The following CDX2 variants were observed in gnomAD, a reference collection of about 807,000 sequenced individuals.
CDX2 encodes the protein caudal type homeobox 2.
CDX2 carries 7 observed loss-of-function variants against 25.5 expected under a neutral mutation model. That is an observed-to-expected ratio of 0.27 (90% confidence interval 0.16 to 0.52). The LOEUF is 0.52. CDX2 is among the 20% of genes least tolerant of loss of function. The probability of loss-of-function intolerance (pLI) is 0.97; values close to 1 mark genes in which losing one functional copy is unlikely to be tolerated. For synonymous variants in CDX2, 222 were observed against 198.6 expected (o/e 1.12, Z -0.99); for missense variants, 375 against 431.4 (o/e 0.87, Z 1.16).
Position 27,964,839 on chromosome 13 carries a change from G to T in CDX2, c.687+31C>A, listed in dbSNP as rs887290682. 1.9e-6 allele frequency: 3 copies of T among 1,610,230 alleles called. No homozygotes were observed. The highest frequency in any genetic ancestry group is 2.2e-5 in the South Asian group (2 of 91,006). Reference sequence around the variant, plus strand: ...TCTCATGGTCCTCTGCCAGGCAGTGGCCCGCCCGGAGGGAGCTAGGCGGTC... The same window carrying T: ...TCTCATGGTCCTCTGCCAGGCAGTGTCCCGCCCGGAGGGAGCTAGGCGGTC... On this transcript the variant is annotated intron_variant, in intron 2 of 2. Transcript: ENST00000381020. The surrounding 1 kb of genome is among the most constrained non-coding windows in gnomAD (Gnocchi z 4.7).
At chr13:27,965,130 C>T in intron 1 of CDX2, 115 bp from the exon 2 acceptor site, 2 of 1,181,588 alleles carry the variant, frequency 1.7e-6, no homozygotes, top group Non-Finnish European at 2.4e-6. Context: ...CCTGGGGGGC[C>T]CGGGTTTGGC....
chr13:27,963,175 G>A lies in CDX2; in HGVS notation c.882C>T (p.Gly294=). The change falls in exon 3 of 3, where the codon GGC becomes GGT. Residue 294 remains glycine (G), a synonymous_variant. Transcript: ENST00000381020. ...PVSSLQASVP[G]SVPGVLGPTG... ...TTGGCCCCAGAACCCCAGGGACAGA[G>A]CCAGGCACTGAGGCTTGCAGGGAAG... 2 of 1,614,198 alleles carry A rather than the reference G, an allele frequency of 1.2e-6. No individual in the cohort carries two copies. The highest frequency in any genetic ancestry group is 1.7e-6 in the Non-Finnish European group (2 of 1,180,036).
chr13:27,967,247 T>A, intron 1 of CDX2: 1 of 501,080 alleles, frequency 2.0e-6, no homozygotes, highest in Non-Finnish European at 3.9e-6. Flanking sequence ...GCCAAAGCTC[T>A]GAGGCTCACC....
In CDX2 at chr13:27,961,651, C is replaced by G. The variant is rs887978651; in HGVS notation, c.*1464G>C. ...GAAATGCCCAGTGATTTACAGAAGA[C>G]TAAATTCATGGAAATGCTGTCTTGG... is the stretch of plus-strand genomic sequence containing the variant. On this transcript the variant is annotated 3_prime_UTR_variant, in exon 3 of 3. Coordinates refer to ENST00000381020, the MANE Select transcript of CDX2 (RefSeq NM_001265.6). Among the ~76,000 whole-genome samples the G allele has an allele frequency of 6.6e-6, 1 of 151,698 alleles. No homozygotes were observed. Among genetic ancestry groups the G allele is most frequent in the African/African-American group, 2.4e-5 (1 of 41,296 alleles).
chr13:27,965,282 C>T (rs563549677), intron 1 of CDX2, among the ~76,000 whole-genome samples: 65 of 152,156 alleles, frequency 4.3e-4, no homozygotes, highest in Non-Finnish European at 8.1e-4. Context: ...ACACAGAAGA[C>T]AGCAGAATGT....
At position 27,962,932 on chromosome 13, in the gene CDX2, A is replaced by C; in HGVS notation, c.*183T>G. ...GGAAAAAGTAAAAATCTGGGAGAGTATATTTCTTGAGGCCCCAAATCCCAC... is the reference window on the plus strand; with the variant it reads ...GGAAAAAGTAAAAATCTGGGAGAGTCTATTTCTTGAGGCCCCAAATCCCAC... On this transcript the variant is annotated 3_prime_UTR_variant, in exon 3 of 3. Coordinates refer to ENST00000381020, the MANE Select transcript of CDX2 (RefSeq NM_001265.6). 1.5e-6 allele frequency: 1 copy of C among 662,018 alleles called. No homozygotes were observed. The highest frequency in any genetic ancestry group is 2.3e-6 in the Non-Finnish European group (1 of 434,888). The allele number at this position is 662,018 out of a possible 1,614,324, so 41.0% of individuals were successfully genotyped here.
In CDX2 at chr13:27,969,276, G is replaced by A. The variant is rs1030491660; in HGVS notation, c.-270C>T. On this transcript the variant is annotated 5_prime_UTR_variant, in exon 1 of 3. Transcript: ENST00000381020. ...CAGAGGCGGGGAAGACCCGCCACAG[G>A]CTGGCGTGCGGAGCCCCAGGCCGGC... 2 of 500,042 alleles carry A rather than the reference G, an allele frequency of 4.0e-6. No individual in the cohort carries two copies. The highest frequency in any genetic ancestry group is 2.6e-5 in the South Asian group (1 of 39,082). 31.0% of individuals were successfully genotyped at this position (500,042 alleles called of 1,614,324 possible). A position where few individuals can be genotyped will look rare whatever the true frequency, so the allele number is the denominator to read the frequency against.
In CDX2 at chr13:27,963,200, G is replaced by A; in HGVS notation, c.857C>T (p.Ser286Phe). Residue 286 changes from serine (S) to phenylalanine (F), a missense_variant, in exon 3 of 3, where the codon TCT (serine) becomes TTT (phenylalanine). Physicochemically the swap from Ser to Phe is radical, Grantham distance 155 (BLOSUM62 -2). Transcript: ENST00000381020. ...RSVPEPLSPV[S>F]SLQASVPGSV... is the part of the protein sequence containing the mutation. ...GCCAGGCACTGAGGCTTGCAGGGAA[G>A]ACACCGGACTCAAGGGCTCTGGGAC... 1 of 1,614,228 alleles carries A rather than the reference G, an allele frequency of 6.2e-7. No individual in the cohort carries two copies. The highest frequency in any genetic ancestry group is 8.5e-7 in the Non-Finnish European group (1 of 1,180,032).
At position 27,964,806 on chromosome 13, in the gene CDX2, T is replaced by G. The variant is rs1340128934; in HGVS notation, c.687+64A>C. ...ATTTAGATGGCCCCTGCAGCCAGAT[T>G]TTCTAACTCTCATGGTCCTCTGCCA... On this transcript the variant is annotated intron_variant, in intron 2 of 2. Coordinates refer to ENST00000381020, the MANE Select transcript of CDX2 (RefSeq NM_001265.6). The surrounding 1 kb of genome is among the most constrained non-coding windows in gnomAD (Gnocchi z 4.7). 3.9e-6 allele frequency: 6 copies of G among 1,552,754 alleles called. No homozygotes were observed. The highest frequency in any genetic ancestry group is 4.4e-6 in the Non-Finnish European group (5 of 1,132,956).
rs912253117 is a variant in CDX2 at position 27,968,650 on chromosome 13, C to T, written c.357G>A (p.Pro119=). The part of the protein sequence containing the change: ...SPADYHPHHH[P]HHHPHHPAAA... ...CGGCCGGGTGGTGCGGGTGGTGATGCGGGTGGTGGTGCGGATGGTAGTCTG... is the reference window on the plus strand; with the variant it reads ...CGGCCGGGTGGTGCGGGTGGTGATGTGGGTGGTGGTGCGGATGGTAGTCTG... The change falls in exon 1 of 3, where the codon CCG becomes CCA. Residue 119 remains proline, a synonymous_variant. Coordinates refer to ENST00000381020, the MANE Select transcript of CDX2 (RefSeq NM_001265.6). The T allele has an allele frequency of 6.5e-6, 10 of 1,534,614 alleles. No individual in the cohort carries two copies. The highest frequency in any genetic ancestry group is 7.9e-6 in the Non-Finnish European group (9 of 1,145,552).
intron 1 of CDX2, among the ~76,000 whole-genome samples, chr13:27,967,976 C>T (rs1167973463): frequency 6.6e-6 from 1 of 152,192 alleles, no homozygotes; most frequent in Non-Finnish European, 1.5e-5. Flanking sequence ...TAGCCATCCT[C>T]CGACCCCCCC....
In CDX2 at chr13:27,968,676, C is replaced by A. The variant is rs1279218920; in HGVS notation, c.331G>T (p.Ala111Ser). The A allele has an allele frequency of 1.3e-6, 2 of 1,533,328 alleles. No homozygotes were observed. Among genetic ancestry groups the A allele is most frequent in the African/African-American group, 1.4e-5 (1 of 71,664 alleles). 95.0% of individuals were successfully genotyped at this position (1,533,328 alleles called of 1,614,324 possible). ...PAAAMGYSSP[A>S]DYHPHHHPHH... ...GGGTGGTGGTGCGGATGGTAGTCTG[C>A]GGGGCTGCTGTAGCCCATGGCTGCG... Residue 111 changes from alanine to serine, a missense_variant, in exon 1 of 3, where the codon GCA becomes TCA. Physicochemically the swap from Ala to Ser is moderately conservative, Grantham distance 99. Around this residue, in one of 3 missense-constraint regions of CDX2, gnomAD observed 253 missense variants for 247.5 expected, o/e 1.02. Coordinates refer to ENST00000381020, the MANE Select transcript of CDX2 (RefSeq NM_001265.6).
In CDX2 at chr13:27,964,856, T is replaced by G; in HGVS notation, c.687+14A>C. On this transcript the variant is annotated intron_variant, in intron 2 of 2. Coordinates refer to ENST00000381020, the MANE Select transcript of CDX2 (RefSeq NM_001265.6). This position sits in a 1 kb window ranked among gnomAD's most constrained non-coding sequence, Gnocchi z 4.7. ...AGGCAGTGGCCCGCCCGGAGGGAGC[T>G]AGGCGGTCCCCACCTGCCTCTCAGA... is the stretch of plus-strand genomic sequence containing the variant. 6.2e-7 allele frequency: 1 copy of G among 1,613,214 alleles called. No homozygotes were observed. The highest frequency in any genetic ancestry group is 8.5e-7 in the Non-Finnish European group (1 of 1,179,706).
rs112534409 is a variant in CDX2, at chr13:27,964,197, C to T, written c.687+673G>A. 1.5e-3 allele frequency among the ~76,000 whole-genome samples: 226 copies of T among 151,872 alleles called. 2 individuals carry two copies. The highest frequency in any genetic ancestry group is 5.1e-3 in the African/African-American group (212 of 41,382). On this transcript the variant is annotated intron_variant, in intron 2 of 2. Transcript: ENST00000381020. This position sits in a 1 kb window ranked among gnomAD's most constrained non-coding sequence, Gnocchi z 4.7. ...GGTGGATCACCTGAGGCCAGGAGTT[C>T]GAGACTAGCCTGACTAACATGGAGA...
chr13:27,963,265 T>TGGCGGCGGA lies in CDX2; in HGVS notation c.783_791dup (p.Pro263_Pro265dup), dbSNP rs1335531939. 1.9e-6 allele frequency: 3 copies of TGGCGGCGGA among 1,614,012 alleles called. No homozygotes were observed. In the Admixed American group the frequency reaches 5.0e-5, roughly 27 times the overall value. On this transcript the variant is annotated inframe_insertion, in exon 3 of 3. Transcript: ENST00000381020. ...CTGGCTGAGGCTGGGGAGGCTGTGG[T>TGGCGGCGGA]GGCGGCGGAGGCGGCTGTGGTGGCT...
rs1593186541 is a variant in CDX2, at chr13:27,969,268, C to G, written c.-262G>C. 2.2e-5 allele frequency: 11 copies of G among 504,048 alleles called. No individual in the cohort carries two copies. The East Asian group carries it at 4.0e-4, about 19-fold the overall frequency. 31.2% of individuals were successfully genotyped at this position (504,048 alleles called of 1,614,324 possible). ...CTAGGCTGCAGAGGCGGGGAAGACC[C>G]GCCACAGGCTGGCGTGCGGAGCCCC... On this transcript the variant is annotated 5_prime_UTR_variant, in exon 1 of 3. Coordinates refer to ENST00000381020, the MANE Select transcript of CDX2 (RefSeq NM_001265.6).
At chr13:27,967,045 G>T (rs1399029651) in intron 1 of CDX2, among the ~76,000 whole-genome samples, 1 of 152,188 alleles carries the variant, frequency 6.6e-6, no homozygotes, top group Admixed American at 6.5e-5. Flanking sequence ...GGCTCTGGCG[G>T]CTTCCCTCCC....
chr13:27,969,269 G>C lies in CDX2; in HGVS notation c.-263C>G, dbSNP rs900734833. ...TAGGCTGCAGAGGCGGGGAAGACCC[G>C]CCACAGGCTGGCGTGCGGAGCCCCA... On this transcript the variant is annotated 5_prime_UTR_variant, in exon 1 of 3. Coordinates refer to ENST00000381020, the MANE Select transcript of CDX2 (RefSeq NM_001265.6). 13 of 504,180 alleles carry C rather than the reference G, an allele frequency of 2.6e-5. No homozygotes were observed. The highest frequency in any genetic ancestry group is 4.2e-5 in the Non-Finnish European group (12 of 286,390). 31.2% of individuals were successfully genotyped at this position (504,180 alleles called of 1,614,324 possible). A position where few individuals can be genotyped will look rare whatever the true frequency, so the allele number is the denominator to read the frequency against.
Position 27,962,882 on chromosome 13 carries a change from C to T in CDX2, c.*233G>A, listed in dbSNP as rs1395906585. On this transcript the variant is annotated 3_prime_UTR_variant, in exon 3 of 3. Transcript: ENST00000381020. ...GAAGCCCAGCGGAGGCTTTCTGTCT[C>T]CTCAGTGGCAGAAAAAGCCAGATGG... is the stretch of plus-strand genomic sequence containing the variant. 4.1e-6 allele frequency: 2 copies of T among 492,204 alleles called. No individual in the cohort carries two copies. Among genetic ancestry groups the T allele is most frequent in the East Asian group, 3.1e-5 (1 of 32,386 alleles). The allele number at this position is 492,204 out of a possible 1,614,324, so 30.5% of individuals were successfully genotyped here. A position where few individuals can be genotyped will look rare whatever the true frequency, so the allele number is the denominator to read the frequency against.
Sources: gnomAD v4.1 joint callset for allele counts (sites outside exome capture counted in the v4.1 genomes callset) on GRCh38, gnomAD v4.1.1 for gene constraint, gnomAD v4.1.1 regional missense constraint, Gnocchi (gnomAD v3.1) non-coding constraint, MANE v1.5 for transcripts, NCBI Gene and HGNC (gene_info 2026-07-23, HGNC 2026-07-21) for gene names.